NEMF: variants seen among roughly 807,000 people sequenced by gnomAD.
NEMF encodes ribosome quality control complex subunit NEMF.
In NEMF, 89 loss-of-function variants were observed where a neutral mutation model predicts 162.2. That is an observed-to-expected ratio of 0.55 (90% CI 0.46 to 0.65). The LOEUF (loss-of-function observed/expected upper bound fraction) is 0.65. Ranked by LOEUF, NEMF falls within the 30% of genes least tolerant of loss-of-function variation. NEMF has a pLI of 0.00. For missense variants in NEMF, 1,133 were observed against 1,261.9 expected, an observed-to-expected ratio of 0.90 and a Z score of 1.55; for synonymous variants, 421 against 404.5, an observed-to-expected ratio of 1.04 and a Z score of -0.49.
At chr14:49,810,018 AC>A (rs1891398305) in intron 18 of NEMF, among the ~76,000 whole-genome samples, 1 of 151,992 alleles carries the variant, frequency 6.6e-6, no homozygotes, top group South Asian at 2.1e-4. Flanking sequence ...GAGGGAAATC[AC>A]TATACATTCT....
At chr14:49,793,645 T>A (rs140033251) in intron 26 of NEMF, among the ~76,000 whole-genome samples, 101 of 152,320 alleles carry the variant, frequency 6.6e-4, no homozygotes, top group African/African-American at 2.1e-3. Flanking sequence ...TCATTTATTG[T>A]TATTTCACAT....
At position 49,800,538 on chromosome 14, in the gene NEMF, C is replaced by T. The variant is rs1890904572; in HGVS notation, c.2254G>A (p.Gly752Arg). ...TCTTTTCTAACCTCTTCATATTCTC[C>T]TTCGTCTTCAGAGCTTTCTTCCTGA... ...LIQEESSEDE[G>R]EYEEVRKDQD... is the part of the protein sequence containing the mutation. The change falls in exon 23 of 33, where the codon GGA becomes AGA. Residue 752 changes from glycine to arginine, a missense_variant. By Grantham distance (125) the Gly-to-Arg change is moderately radical. This residue lies in a region of NEMF where 532 missense variants were observed against 578.6 expected (regional missense o/e 0.92). Coordinates refer to ENST00000298310, the MANE Select transcript of NEMF (RefSeq NM_004713.6). 6.2e-7 allele frequency: 1 copy of T among 1,613,890 alleles called. No individual in the cohort carries two copies.
At chr14:49,837,815 T>TA (rs10709373) in intron 6 of NEMF, among the ~76,000 whole-genome samples, 2,636 of 122,742 alleles carry the variant, frequency 0.021, 76 homozygotes, top group African/African-American at 0.073. Flanking sequence ...ACCCACCAAT[T>TA]AAAAAAAAAA....
intron 4 of NEMF, among the ~76,000 whole-genome samples, chr14:49,845,055 C>A (rs1893426342): frequency 6.7e-6 from 1 of 149,726 alleles, no homozygotes; most frequent in African/African-American, 2.5e-5. Context: ...AGGTGTGAGC[C>A]ACCACACCTG....
At chr14:49,792,722 G>A (rs1201047794) in intron 26 of NEMF, among the ~76,000 whole-genome samples, 2 of 152,212 alleles carry the variant, frequency 1.3e-5, no homozygotes, top group African/African-American at 4.8e-5. Context: ...GCTTATGCCT[G>A]TTAATTTTAG....
rs2139864873 is a variant in NEMF at position 49,803,262 on chromosome 14, C to T, written c.1890G>A (p.Leu630=). ...CTCTTATCATGAAGCTTCCTGTTGTCAAATATTCTCCAGTTGGTGCTGTTT... is the reference window on the plus strand; with the variant it reads ...CTCTTATCATGAAGCTTCCTGTTGTTAAATATTCTCCAGTTGGTGCTGTTT... ...VSKTAPTGEY[L]TTGSFMIRGK... Residue 630 remains leucine, a synonymous_variant, in exon 20 of 33, where the codon TTG becomes TTA. Coordinates refer to ENST00000298310, the MANE Select transcript of NEMF (RefSeq NM_004713.6). The T allele has an allele frequency of 2.5e-6, 4 of 1,610,138 alleles. No homozygotes were observed. The highest frequency in any genetic ancestry group is 2.7e-5 in the African/African-American group (2 of 74,934).
chr14:49,846,027 A>G (rs1893483030), intron 4 of NEMF, 113 bp downstream of exon 4: 1 of 782,010 alleles, frequency 1.3e-6, no homozygotes, highest in African/African-American at 1.8e-5. Context: ...TTCCTAGGGT[A>G]GTAACAACCT....
At position 49,787,709 on chromosome 14, in the gene NEMF, G is replaced by A. The variant is rs748910864; in HGVS notation, c.2896-959C>T. Reference sequence around the variant, plus strand: ...CATTTAGACCATAGCACCTACTCATGAAAGAACATTAATAATTAACACCTC... The same window carrying A: ...CATTTAGACCATAGCACCTACTCATAAAAGAACATTAATAATTAACACCTC... On this transcript the variant is annotated intron_variant, in intron 28 of 32. Transcript: ENST00000298310. Among the ~76,000 whole-genome samples the A allele has an allele frequency of 2.0e-5, 3 of 152,290 alleles. No homozygotes were observed. In the Middle Eastern group the frequency reaches 0.01, roughly 518 times the overall value.
At chr14:49,791,735 T>TA (rs10586126) in intron 26 of NEMF, among the ~76,000 whole-genome samples, 9 of 141,072 alleles carry the variant, frequency 6.4e-5, no homozygotes, top group African/African-American at 2.4e-4. Flanking sequence ...AGACTCCATT[T>TA]AAAAAAAAAA....
intron 26 of NEMF, among the ~76,000 whole-genome samples, chr14:49,791,065 G>A (rs943224826): frequency 2.4e-4 from 36 of 150,768 alleles, no homozygotes; most frequent in African/African-American, 8.8e-4. Flanking sequence ...GCTGGGCGCA[G>A]TGGCTCACGC....
In NEMF at chr14:49,785,308, C is replaced by CA; in HGVS notation, c.2940dup (p.Asp981Ter). 6.2e-7 allele frequency: 1 copy of CA among 1,613,490 alleles called. No homozygotes were observed. The highest frequency in any genetic ancestry group is 8.5e-7 in the Non-Finnish European group (1 of 1,179,564). On this transcript the variant is annotated frameshift_variant, in exon 30 of 33. Coordinates refer to ENST00000298310, the MANE Select transcript of NEMF (RefSeq NM_004713.6). LOFTEE classifies it high-confidence loss of function. The stretch of plus-strand genomic sequence containing the variant: ...GGATGTGGCTGGCCTGTCAAAGAAT[C>CA]AAATAGGTTTTCCTAAAAAGGGAAA...
intron 26 of NEMF, among the ~76,000 whole-genome samples, chr14:49,793,299 G>T (rs1202284423): frequency 6.6e-6 from 1 of 152,154 alleles, no homozygotes; most frequent in African/African-American, 2.4e-5. Flanking sequence ...ATTAAAATTA[G>T]TAAGTGCTCT....
chr14:49,846,917 G>A (rs762239998), intron 3 of NEMF, among the ~76,000 whole-genome samples: 2 of 152,104 alleles, frequency 1.3e-5, no homozygotes, highest in Non-Finnish European at 1.5e-5. Flanking sequence ...AGAGAGTCTC[G>A]CTCTGTCGCC....
intron 5 of NEMF, chr14:49,839,958 A>C (rs1162656410): frequency 6.6e-6 from 1 of 152,298 alleles, no homozygotes; most frequent in African/African-American, 2.4e-5. Flanking sequence ...CACAAGTTCA[A>C]GACCAACTTG....
intron 4 of NEMF, among the ~76,000 whole-genome samples, chr14:49,844,045 G>A (rs1168733201): frequency 6.6e-6 from 1 of 151,458 alleles, no homozygotes; most frequent in Admixed American, 6.6e-5. Context: ...GTTGCAGTGA[G>A]CTGAGATCAC....
intron 4 of NEMF, among the ~76,000 whole-genome samples, chr14:49,843,282 C>CCAGG (rs1471819566): frequency 1.3e-5 from 2 of 151,956 alleles, no homozygotes; most frequent in Admixed American, 1.3e-4. Context: ...ATTGCTTGAG[C>CCAGG]CAGGGGTCCA....
chr14:49,822,771 A>G (rs1197793937), intron 16 of NEMF, among the ~76,000 whole-genome samples: 1 of 149,162 alleles, frequency 6.7e-6, no homozygotes, highest in Non-Finnish European at 1.5e-5. Context: ...TGTGTGTGAT[A>G]GATTGTGGAA....
Position 49,795,961 on chromosome 14 carries a change from T to C in NEMF, c.2466-17A>G, listed in dbSNP as rs779305679. On this transcript the variant is annotated splice_polypyrimidine_tract_variant and intron_variant, in intron 25 of 32. Transcript: ENST00000298310. ...TTCATTTCCCTGAATAAAAAAGACATGAAAACATTTCATTCTTAGAATTTG... is the reference window on the plus strand; with the variant it reads ...TTCATTTCCCTGAATAAAAAAGACACGAAAACATTTCATTCTTAGAATTTG... 6.3e-7 allele frequency: 1 copy of C among 1,578,118 alleles called. No individual in the cohort carries two copies. Among genetic ancestry groups the C allele is most frequent in the Non-Finnish European group, 8.6e-7 (1 of 1,166,376 alleles).
chr14:49,803,346 T>C (rs762750083), intron 19 of NEMF, 52 bp from the exon 20 acceptor site: 2 of 1,306,338 alleles, frequency 1.5e-6, no homozygotes, highest in African/African-American at 3.0e-5. Context: ...TACTCTAGTT[T>C]TCTTTTTCCA....
Sources: gnomAD v4.1 joint callset for allele counts (sites outside exome capture counted in the v4.1 genomes callset) on GRCh38, gnomAD v4.1.1 for gene constraint, gnomAD v4.1.1 regional missense constraint, MANE v1.5 for transcripts, NCBI Gene and HGNC (gene_info 2026-07-23, HGNC 2026-07-21) for gene names.